Variants in TAX1BP1 observed in about 807,000 individuals in gnomAD.
TAX1BP1 encodes Tax1 binding protein 1.
A neutral mutation model predicts 97.7 loss-of-function variants in TAX1BP1; 62 were observed. The ratio of observed to expected loss-of-function variants is 0.63; its 90% CI spans 0.52 to 0.78. The LOEUF (loss-of-function observed/expected upper bound fraction) is 0.78, where lower values mean the gene tolerates loss of function less well. Ranked by LOEUF, TAX1BP1 falls within the 30% of genes least tolerant of loss-of-function variation. The pLI, the probability that TAX1BP1 is intolerant of heterozygous loss-of-function variation, is 0.00. For synonymous variants in TAX1BP1, 340 were observed against 304.2 expected, an observed-to-expected ratio of 1.12 and a Z score of -1.23; for missense variants, 867 against 916.1, an observed-to-expected ratio of 0.95 and a Z score of 0.69.
intron 5 of TAX1BP1, among the ~76,000 whole-genome samples, chr7:27,772,758 A>G (rs1262234453): frequency 6.6e-6 from 1 of 152,052 alleles, no homozygotes; most frequent in African/African-American, 2.4e-5. Flanking sequence ...TTTGTTTTTA[A>G]TGTTATTTTA....
intron 5 of TAX1BP1, among the ~76,000 whole-genome samples, chr7:27,771,375 C>T (rs990841820): frequency 1.3e-5 from 2 of 150,588 alleles, no homozygotes; most frequent in Non-Finnish European, 3.0e-5. Context: ...GAAATGTGGG[C>T]TTTGAGGTTT....
intron 5 of TAX1BP1, 62 bp from the exon 6 acceptor site, chr7:27,785,101 C>G: frequency 6.7e-7 from 1 of 1,495,606 alleles, no homozygotes; most frequent in Non-Finnish European, 8.9e-7. Flanking sequence ...TAAAGATATG[C>G]AAATTTGCTT....
At chr7:27,751,758 G>A (rs1788026707) in intron 2 of TAX1BP1, among the ~76,000 whole-genome samples, 1 of 152,116 alleles carries the variant, frequency 6.6e-6, no homozygotes, top group South Asian at 2.1e-4. Flanking sequence ...TGGGAAAGTA[G>A]TATGCTTGAG....
chr7:27,798,189 A>T (rs1790005422), intron 12 of TAX1BP1, among the ~76,000 whole-genome samples: 1 of 152,102 alleles, frequency 6.6e-6, no homozygotes, highest in South Asian at 2.1e-4. Context: ...TTTTTATTTT[A>T]TCATTTGTTT....
chr7:27,785,697 C>T (rs1789453687), intron 7 of TAX1BP1, among the ~76,000 whole-genome samples: 1 of 152,144 alleles, frequency 6.6e-6, no homozygotes, highest in African/African-American at 2.4e-5. Flanking sequence ...AGATGGCTTA[C>T]TCCAGTGGCT....
At chr7:27,824,616 A>C (rs980147471) in intron 15 of TAX1BP1, among the ~76,000 whole-genome samples, 1 of 152,044 alleles carries the variant, frequency 6.6e-6, no homozygotes, top group Non-Finnish European at 1.5e-5. Context: ...TTTTAATAAG[A>C]AAACAAGAAT....
In TAX1BP1 at chr7:27,792,112, A is replaced by C. The variant is rs200041605; in HGVS notation, c.1145A>C (p.Asn382Thr). The C allele has an allele frequency of 4.2e-5, 67 of 1,614,120 alleles. No homozygotes were observed. In the African/African-American group the frequency reaches 8.1e-4, roughly 20 times the overall value. The change falls in exon 9 of 17, where the codon AAC (asparagine) becomes ACC (threonine). Residue 382 changes from asparagine to threonine, a missense_variant. Physicochemically the swap from Asn to Thr is moderately conservative, Grantham distance 65 (BLOSUM62 0). Around this residue, in one of 3 missense-constraint regions of TAX1BP1, gnomAD observed 822 missense variants for 851.4 expected, o/e 0.97. Coordinates refer to ENST00000396319, the MANE Select transcript of TAX1BP1 (RefSeq NM_006024.7). The stretch of plus-strand genomic sequence containing the variant: ...GCTAAAGAACTCAGTGATGCTGTCA[A>C]CGTACGAGACAGAACGATGGCAGAC... Reference protein sequence around the residue: ...FLAKELSDAVNVRDRTMADLH... With the variant: ...FLAKELSDAVTVRDRTMADLH...
At chr7:27,814,869 T>C (rs1334214624) in intron 13 of TAX1BP1, among the ~76,000 whole-genome samples, 5 of 152,126 alleles carry the variant, frequency 3.3e-5, no homozygotes, top group African/African-American at 1.2e-4. Context: ...CCTGAGTAGC[T>C]GGGACTACAG....
At chr7:27,781,610 T>C (rs1323142470) in intron 5 of TAX1BP1, among the ~76,000 whole-genome samples, 1 of 152,220 alleles carries the variant, frequency 6.6e-6, no homozygotes, top group Non-Finnish European at 1.5e-5. Flanking sequence ...CTCTAGGTTA[T>C]TCAGGGAGTG....
intron 3 of TAX1BP1, 122 bp from the exon 4 acceptor site, chr7:27,765,712 C>T (rs932070758): frequency 5.6e-5 from 47 of 835,730 alleles, no homozygotes; most frequent in Non-Finnish European, 8.4e-5. Context: ...GGAGGAAGGA[C>T]ATATCCCAGA....
At chr7:27,764,468 A>AGGTT (rs1788542767) in intron 3 of TAX1BP1, among the ~76,000 whole-genome samples, 2 of 152,178 alleles carry the variant, frequency 1.3e-5, no homozygotes, top group South Asian at 4.1e-4. Flanking sequence ...CTTTCTCAGT[A>AGGTT]CATTTTATCA....
chr7:27,784,389 A>G (rs1789386044), intron 5 of TAX1BP1, among the ~76,000 whole-genome samples: 1 of 152,214 alleles, frequency 6.6e-6, no homozygotes, highest in African/African-American at 2.4e-5. Context: ...ATTCAATTCA[A>G]CATTCAATTT....
At chr7:27,751,178 T>C (rs1788006286) in intron 2 of TAX1BP1, among the ~76,000 whole-genome samples, 1 of 152,152 alleles carries the variant, frequency 6.6e-6, no homozygotes, top group African/African-American at 2.4e-5. Flanking sequence ...GTAAGTTTTC[T>C]CTCAGCAAAA....
chr7:27,796,138 A>G lies in TAX1BP1; in HGVS notation c.1557A>G (p.Val519=). The change falls in exon 12 of 17, where the codon GTA becomes GTG. Residue 519 remains valine, a synonymous_variant. Coordinates refer to ENST00000396319, the MANE Select transcript of TAX1BP1 (RefSeq NM_006024.7). ...PSAAEADFDI[V]TKGQVCEMTK... is the part of the protein sequence containing the mutation. ...CAGCAGAGGCAGATTTTGACATAGTAACAAAGGGGCAAGTCTGTGAAATGA... is the reference window on the plus strand; with the variant it reads ...CAGCAGAGGCAGATTTTGACATAGTGACAAAGGGGCAAGTCTGTGAAATGA... 1 of 1,606,968 alleles carries G rather than the reference A, an allele frequency of 6.2e-7. No individual in the cohort carries two copies. Among genetic ancestry groups the G allele is most frequent in the Non-Finnish European group, 8.5e-7 (1 of 1,178,140 alleles).
chr7:27,810,199 G>A (rs949550480), intron 13 of TAX1BP1, among the ~76,000 whole-genome samples: 7 of 150,508 alleles, frequency 4.7e-5, no homozygotes, highest in African/African-American at 1.7e-4. Context: ...GAGCCACCAC[G>A]CACAGCCCTT....
Position 27,793,068 on chromosome 7 carries a change from C to A in TAX1BP1, c.1266C>A (p.Asp422Glu). 1.3e-6 allele frequency: 2 copies of A among 1,590,422 alleles called. No individual in the cohort carries two copies. The highest frequency in any genetic ancestry group is 1.7e-6 in the Non-Finnish European group (2 of 1,174,254). The change falls in exon 10 of 17, where the codon GAC (aspartate) becomes GAA (glutamate). Residue 422 changes from aspartate to glutamate, a missense_variant and splice_region_variant. By Grantham distance (45) the Asp-to-Glu change is conservative (BLOSUM62 2). This residue lies in a region of TAX1BP1 where 822 missense variants were observed against 851.4 expected (regional missense o/e 0.97). Transcript: ENST00000396319. ...LKLNAMKKDQ[D>E]KTDTLEHELR... ...TTCAAATGTTTGTTTCTTTCTAGGA[C>A]AAGACTGATACACTGGAACACGAAC... is the stretch of plus-strand genomic sequence containing the variant.
At chr7:27,784,459 C>CT (rs1384908229) in intron 5 of TAX1BP1, among the ~76,000 whole-genome samples, 1 of 152,118 alleles carries the variant, frequency 6.6e-6, no homozygotes, top group Non-Finnish European at 1.5e-5. Flanking sequence ...GTTTAGGCCT[C>CT]TGAGTCACAC....
At chr7:27,782,735 T>G (rs73073387) in intron 5 of TAX1BP1, among the ~76,000 whole-genome samples, 11,749 of 152,244 alleles carry the variant, frequency 0.077, 650 homozygotes, top group Middle Eastern at 0.12. Flanking sequence ...AATAATTGTT[T>G]TGTCAATAAT....
At chr7:27,741,091 T>A (rs1476812012) in intron 1 of TAX1BP1, among the ~76,000 whole-genome samples, 1 of 152,246 alleles carries the variant, frequency 6.6e-6, no homozygotes, top group Non-Finnish European at 1.5e-5. Context: ...ACTTTAGACA[T>A]ACACAGTGTT....
Sources: gnomAD v4.1 joint callset for allele counts (sites outside exome capture counted in the v4.1 genomes callset) on GRCh38, gnomAD v4.1.1 for gene constraint, gnomAD v4.1.1 regional missense constraint, MANE v1.5 for transcripts, NCBI Gene and HGNC (gene_info 2026-07-23, HGNC 2026-07-21) for gene names.